TPGS2: variants seen among roughly 807,000 people sequenced by gnomAD.
TPGS2 encodes tubulin polyglutamylase complex subunit 2.
Under a neutral mutation model 31.1 loss-of-function variants are expected in TPGS2, and 26 were observed. That is an observed-to-expected ratio of 0.84 (90% CI 0.61 to 1.16). TPGS2 has a LOEUF of 1.16. Ranked by LOEUF, TPGS2 falls within the 50% of genes most tolerant of loss-of-function variation. The pLI is 0.00. For missense variants in TPGS2, 351 were observed against 363.8 expected (o/e 0.96, Z 0.29); for synonymous variants, 130 against 136.6 (o/e 0.95, Z 0.34).
chr18:36,781,420 G>A (rs1432171132), downstream of TPGS2, among the ~76,000 whole-genome samples: 1 of 152,206 alleles, frequency 6.6e-6, no homozygotes, highest in Admixed American at 6.5e-5. Context: ...TTGGGAGGCC[G>A]AGGTGGGCAG....
intron 6 of TPGS2, chr18:36,798,226 G>C: frequency 1.4e-6 from 2 of 1,383,594 alleles, no homozygotes; most frequent in Admixed American, 2.9e-5. Flanking sequence ...AAACTCCCCA[G>C]TTAATTCTGA....
At chr18:36,801,884 G>T (rs1366037626) in intron 4 of TPGS2, among the ~76,000 whole-genome samples, 1 of 152,130 alleles carries the variant, frequency 6.6e-6, no homozygotes, top group African/African-American at 2.4e-5. Flanking sequence ...CTTTTGAGCC[G>T]TTATTTCTTC....
intron 4 of TPGS2, among the ~76,000 whole-genome samples, chr18:36,804,532 G>A (rs1370748735): frequency 2.0e-5 from 3 of 152,256 alleles, no homozygotes; most frequent in South Asian, 2.1e-4. Context: ...CTCTGCCCCC[G>A]AACTTCTCTG....
intron 6 of TPGS2, chr18:36,786,926 C>G: frequency 8.1e-7 from 1 of 1,234,382 alleles, no homozygotes; most frequent in Non-Finnish European, 1.0e-6. Context: ...CTGCTGCACA[C>G]GCTACAGCTC....
Position 36,828,696 on chromosome 18 carries a change from G to A in TPGS2, c.72C>T (p.Ile24=). The change falls in exon 1 of 7, where the codon ATC becomes ATT. Residue 24 remains isoleucine (I), a synonymous_variant. Transcript: ENST00000334295. ...KPHLEKLTLG[I]TRILESSPGV... is the part of the protein sequence containing the mutation. ...CCCTTTCCTCACCTAGGATGCGCGT[G>A]ATGCCCAGGGTCAGCTTCTCCAGGT... The A allele has an allele frequency of 2.5e-6, 4 of 1,614,122 alleles. No homozygotes were observed. The highest frequency in any genetic ancestry group is 3.4e-6 in the Non-Finnish European group (4 of 1,180,002).
intron 2 of TPGS2, among the ~76,000 whole-genome samples, chr18:36,816,490 A>G (rs1465836931): frequency 6.6e-6 from 1 of 152,232 alleles, no homozygotes; most frequent in Admixed American, 6.5e-5. Context: ...TTTATTCCAA[A>G]GCAACATAAT....
At chr18:36,804,582 C>T (rs1024976505) in intron 4 of TPGS2, among the ~76,000 whole-genome samples, 6 of 152,198 alleles carry the variant, frequency 3.9e-5, no homozygotes, top group Non-Finnish European at 7.3e-5. Context: ...GAGGAGAAAG[C>T]CTTACATCAG....
downstream of TPGS2, among the ~76,000 whole-genome samples, chr18:36,793,493 C>G (rs980385374): frequency 6.6e-6 from 1 of 152,140 alleles, no homozygotes; most frequent in African/African-American, 2.4e-5. Flanking sequence ...CATGAATGAC[C>G]TATGTCATTC....
At chr18:36,804,469 A>G (rs1231532013) in intron 4 of TPGS2, among the ~76,000 whole-genome samples, 1 of 152,150 alleles carries the variant, frequency 6.6e-6, no homozygotes, top group Non-Finnish European at 1.5e-5. Flanking sequence ...ACCCCTGGAA[A>G]TTCCACAAGT....
At chr18:36,813,413 T>C (rs1412188061) in intron 2 of TPGS2, among the ~76,000 whole-genome samples, 1 of 152,224 alleles carries the variant, frequency 6.6e-6, no homozygotes, top group African/African-American at 2.4e-5. Flanking sequence ...AGAATGGTGA[T>C]GGCTAAAGAG....
At chr18:36,789,561 TA>T (rs1600722109), downstream of TPGS2, 1 of 152,340 alleles carries the variant, frequency 6.6e-6, no homozygotes. Flanking sequence ...AGTTTTATGT[TA>T]AATTTAGTTT....
At chr18:36,814,698 T>C (rs997965982) in intron 2 of TPGS2, among the ~76,000 whole-genome samples, 8 of 152,226 alleles carry the variant, frequency 5.3e-5, no homozygotes, top group Admixed American at 1.3e-4. Context: ...TCCTTACTAG[T>C]ATAACATATC....
At chr18:36,805,573 G>A in intron 3 of TPGS2, 71 bp from the exon 4 acceptor site, 1 of 1,593,976 alleles carries the variant, frequency 6.3e-7, no homozygotes, top group Non-Finnish European at 8.6e-7. Context: ...ATGAGATTCT[G>A]CTTGAATAAC....
chr18:36,786,962 G>C (rs1000149540), intron 6 of TPGS2: 1 of 1,234,286 alleles, frequency 8.1e-7, no homozygotes, highest in Non-Finnish European at 1.0e-6. Flanking sequence ...CTGACTCTTT[G>C]CTTGTGGCCA....
chr18:36,796,744 G>C lies in TPGS2; in HGVS notation c.*61C>G, dbSNP rs2044544215. 1.3e-6 allele frequency: 2 copies of C among 1,562,900 alleles called. No individual in the cohort carries two copies. Among genetic ancestry groups the C allele is most frequent in the Non-Finnish European group, 8.6e-7 (1 of 1,164,428 alleles). On this transcript the variant is annotated 3_prime_UTR_variant, in exon 7 of 7. Coordinates refer to ENST00000334295, the MANE Select transcript of TPGS2 (RefSeq NM_015476.4). ...CACGCAAAACTGGAGGTCACCCCTAGGGCCATCTGTGCATGGAAACCACCA... is the reference window on the plus strand; with the variant it reads ...CACGCAAAACTGGAGGTCACCCCTACGGCCATCTGTGCATGGAAACCACCA...
rs78174540 is a variant in TPGS2, at chr18:36,808,595, G to A, written c.166-661C>T. ...GGAGCTTGCAGTGAGCCGAGATTGT[G>A]CCACTGTACTCCAGCCTGGGTGACA... On this transcript the variant is annotated intron_variant, in intron 2 of 6. Coordinates refer to ENST00000334295, the MANE Select transcript of TPGS2 (RefSeq NM_015476.4). 3.5e-4 allele frequency among the ~76,000 whole-genome samples: 53 copies of A among 151,994 alleles called. 1 individual carries two copies. The East Asian group carries it at 9.3e-3, about 27-fold the overall frequency.
At chr18:36,827,344 C>T (rs1023615647) in intron 1 of TPGS2, among the ~76,000 whole-genome samples, 1 of 152,164 alleles carries the variant, frequency 6.6e-6, no homozygotes, top group Non-Finnish European at 1.5e-5. Context: ...GCAAGAAAGA[C>T]GGCGGTTATT....
intron 4 of TPGS2, 59 bp from the exon 5 acceptor site, chr18:36,800,370 T>C: frequency 7.0e-7 from 1 of 1,435,428 alleles, no homozygotes; most frequent in Non-Finnish European, 9.8e-7. Context: ...CACATACCTA[T>C]ATATCCAACT....
chr18:36,783,199 G>GT (rs1394001031), intron 6 of TPGS2: 1 of 395,236 alleles, frequency 2.5e-6, no homozygotes, highest in Non-Finnish European at 4.5e-6. Flanking sequence ...ACTAAAGGAT[G>GT]TTTCCTGTTG....
Sources: gnomAD v4.1 joint callset for allele counts (sites outside exome capture counted in the v4.1 genomes callset) on GRCh38, gnomAD v4.1.1 for gene constraint, MANE v1.5 for transcripts, NCBI Gene and HGNC (gene_info 2026-07-23, HGNC 2026-07-21) for gene names.